Variants in TIMD4 observed in about 807,000 individuals in gnomAD.
The protein encoded by TIMD4 is T cell immunoglobulin and mucin domain containing 4.
In TIMD4, 31 loss-of-function variants were observed where a neutral mutation model predicts 41.2. The ratio of observed to expected loss-of-function variants is 0.75; its 90% CI spans 0.57 to 1.01. The LOEUF (loss-of-function observed/expected upper bound fraction) is 1.01, where lower values mean the gene tolerates loss of function less well. Ranked by LOEUF, TIMD4 falls within the 50% of genes least tolerant of loss-of-function variation. TIMD4 has a pLI of 0.00. For synonymous variants in TIMD4, 204 were observed against 177.1 expected (o/e 1.15, Z -1.21); for missense variants, 479 against 472.5 (o/e 1.01, Z -0.13).
At chr5:156,942,071 G>C (rs555241689) in intron 5 of TIMD4, among the ~76,000 whole-genome samples, 24 of 152,304 alleles carry the variant, frequency 1.6e-4, no homozygotes, top group African/African-American at 5.5e-4. Context: ...CGCAAGGAAA[G>C]AAAAATGTTG....
chr5:156,958,103 A>G (rs1166049805), intron 1 of TIMD4, among the ~76,000 whole-genome samples: 2 of 151,870 alleles, frequency 1.3e-5, no homozygotes, highest in African/African-American at 2.4e-5. Flanking sequence ...GAAAGCCCGT[A>G]TCTACTAAAA....
rs766663092 is a variant in TIMD4 at position 156,954,752 on chromosome 5, T to C, written c.63A>G (p.Pro21=). ...CCGTCACAACAGTCTCTGAAGTGAC[T>C]GGTGCTGCAAGGAAAAATGCGAAAT... ...MIEFWWLYLT[P]VTSETVVTEV... Residue 21 remains proline, a synonymous_variant, in exon 2 of 9, where the codon CCA becomes CCG. Transcript: ENST00000274532. 1.2e-6 allele frequency: 2 copies of C among 1,604,526 alleles called. No homozygotes were observed. The highest frequency in any genetic ancestry group is 2.2e-5 in the South Asian group (2 of 89,838).
Position 156,944,060 on chromosome 5 carries a change from C to CA in TIMD4, c.844+4355dup, listed in dbSNP as rs199522710. 7.9e-3 allele frequency among the ~76,000 whole-genome samples: 794 copies of CA among 100,904 alleles called. 4 individuals carry two copies. Among genetic ancestry groups the CA allele is most frequent in the African/African-American group, 0.021 (566 of 26,600 alleles). 66.2% of individuals were successfully genotyped at this position (100,904 alleles called of 152,430 possible). A position where few individuals can be genotyped will look rare whatever the true frequency, so the allele number is the denominator to read the frequency against. On this transcript the variant is annotated intron_variant, in intron 5 of 8. Coordinates refer to ENST00000274532, the MANE Select transcript of TIMD4 (RefSeq NM_138379.3). ...GGGTGACAGAGGTGAGACTCTGTCT[C>CA]AAAAAAAAAAAAAGAAATAAAGAAA...
At chr5:156,946,011 C>T (rs968634412) in intron 5 of TIMD4, among the ~76,000 whole-genome samples, 1 of 152,196 alleles carries the variant, frequency 6.6e-6, no homozygotes, top group Non-Finnish European at 1.5e-5. Context: ...CACCAAGCTC[C>T]TCTTCACCAG....
intron 7 of TIMD4, 101 bp downstream of exon 7, chr5:156,921,998 C>T: frequency 1.1e-6 from 1 of 876,704 alleles, no homozygotes; most frequent in Non-Finnish European, 1.7e-6. Flanking sequence ...AACTGAGCCT[C>T]TTTGGGGAGG....
At chr5:156,927,873 G>A (rs915270420) in intron 5 of TIMD4, among the ~76,000 whole-genome samples, 8 of 152,030 alleles carry the variant, frequency 5.3e-5, no homozygotes, top group African/African-American at 2.4e-5. Context: ...GTGACCGTGG[G>A]GCACATGCAA....
chr5:156,928,842 C>T (rs564643714), intron 5 of TIMD4, among the ~76,000 whole-genome samples: 1 of 152,266 alleles, frequency 6.6e-6, no homozygotes, highest in South Asian at 2.1e-4. Flanking sequence ...TTCAAAACTC[C>T]TACCCTTGTT....
At chr5:156,924,514 T>C in intron 6 of TIMD4, 2 of 437,310 alleles carry the variant, frequency 4.6e-6, no homozygotes, top group Non-Finnish European at 9.1e-6. Context: ...GGTTCAAAAA[T>C]AAAGAAGCAG....
At chr5:156,923,434 C>A (rs2113340243) in intron 6 of TIMD4, among the ~76,000 whole-genome samples, 1 of 149,810 alleles carries the variant, frequency 6.7e-6, no homozygotes, top group South Asian at 2.1e-4. Flanking sequence ...TAGGCATGAG[C>A]CACTGCACCC....
intron 6 of TIMD4, among the ~76,000 whole-genome samples, chr5:156,922,836 A>C (rs564522946): frequency 6.6e-6 from 1 of 152,322 alleles, no homozygotes; most frequent in South Asian, 2.1e-4. Flanking sequence ...ATTTGCAAAA[A>C]ATGTAAAACA....
intron 5 of TIMD4, among the ~76,000 whole-genome samples, chr5:156,934,894 G>T (rs1759510887): frequency 6.6e-6 from 1 of 152,188 alleles, no homozygotes; most frequent in East Asian, 1.9e-4. Flanking sequence ...ACTCATCATT[G>T]AATTCATAGA....
chr5:156,919,466 A>G lies in TIMD4; in HGVS notation c.1128T>C (p.Phe376=). 1.9e-6 allele frequency: 3 copies of G among 1,613,908 alleles called. No individual in the cohort carries two copies. Among genetic ancestry groups the G allele is most frequent in the Non-Finnish European group, 2.5e-6 (3 of 1,179,814 alleles). ...ACATGCTACTGCGTTGTTAGAGGGT[A>G]AAAAGGCCGTCTTCGTCTTCCCTTC... ...QHGREDEDGL[F]TL Residue 376 remains phenylalanine, a synonymous_variant, in exon 9 of 9, where the codon TTT becomes TTC. Coordinates refer to ENST00000274532, the MANE Select transcript of TIMD4 (RefSeq NM_138379.3).
At chr5:156,929,450 AGT>A (rs2113349477) in intron 5 of TIMD4, among the ~76,000 whole-genome samples, 1 of 152,338 alleles carries the variant, frequency 6.6e-6, no homozygotes, top group East Asian at 1.9e-4. Flanking sequence ...AGATGTAATT[AGT>A]TAAGCTCTTG....
At chr5:156,921,981 A>C in intron 7 of TIMD4, 118 bp downstream of exon 7, 1 of 713,858 alleles carries the variant, frequency 1.4e-6, no homozygotes, top group Non-Finnish European at 2.3e-6. Flanking sequence ...GATGGGAACA[A>C]TGGCAGAACT....
At chr5:156,921,618 A>AT (rs1201327159) in intron 7 of TIMD4, among the ~76,000 whole-genome samples, 1 of 67,072 alleles carries the variant, frequency 1.5e-5, no homozygotes, top group African/African-American at 9.7e-5. Flanking sequence ...GACTCTCTCA[A>AT]AAAAAAAAAA....
intron 7 of TIMD4, among the ~76,000 whole-genome samples, chr5:156,921,227 A>T (rs1561542832): frequency 6.6e-6 from 1 of 152,164 alleles, no homozygotes; most frequent in East Asian, 1.9e-4. Context: ...GCATGAACAC[A>T]TAAACACTTT....
intron 5 of TIMD4, among the ~76,000 whole-genome samples, chr5:156,941,452 T>A (rs1444507005): frequency 6.6e-6 from 1 of 152,244 alleles, no homozygotes; most frequent in Admixed American, 6.5e-5. Flanking sequence ...TAAACCAGAC[T>A]GTTAAATAAT....
chr5:156,958,305 GAAGGAAAGGAAAGGA>G (rs66575156), intron 1 of TIMD4, among the ~76,000 whole-genome samples: 6,080 of 83,238 alleles, frequency 0.073, 346 homozygotes, highest in Admixed American at 0.12. Flanking sequence ...AAGAAAGAAA[GAAGGAAAGGAAAGGA>G]AAGGAAAGGA....
intron 5 of TIMD4, among the ~76,000 whole-genome samples, chr5:156,934,846 T>C (rs533187573): frequency 8.2e-4 from 125 of 152,342 alleles, no homozygotes; most frequent in Admixed American, 2.6e-3. Context: ...CTCTGTCTTC[T>C]CAGTGGGTGC....
Sources: allele counts gnomAD v4.1 joint callset (sites outside exome capture counted in the v4.1 genomes callset), GRCh38; gene constraint gnomAD v4.1.1; transcripts MANE v1.5; gene names NCBI Gene and HGNC (gene_info 2026-07-23, HGNC 2026-07-21).